The following SCN1B variants were observed in gnomAD, a reference collection of about 807,000 sequenced individuals.
SCN1B encodes the protein sodium voltage-gated channel beta subunit 1.
A neutral mutation model predicts 25.7 loss-of-function variants in SCN1B; 11 were observed. That is an observed-to-expected ratio of 0.43 (90% CI 0.27 to 0.71). The LOEUF (loss-of-function observed/expected upper bound fraction) is 0.71. SCN1B is among the 30% of genes least tolerant of loss of function. SCN1B has a pLI of 0.21. For synonymous variants in SCN1B, 119 were observed against 117.5 expected (o/e 1.01, Z -0.08); for missense variants, 224 against 291.5 (o/e 0.77, Z 1.69).
rs966753665 is a variant in SCN1B at position 35,036,159 on chromosome 19, C to T, written c.448+2420C>T. 3.9e-5 allele frequency: 6 copies of T among 152,036 alleles called. 1 individual carries two copies. The South Asian group carries it at 6.2e-4, about 16-fold the overall frequency. 9.4% of individuals were successfully genotyped at this position (152,036 alleles called of 1,614,324 possible). On this transcript the variant is annotated intron_variant, in intron 3 of 5. Coordinates refer to ENST00000262631, the MANE Select transcript of SCN1B (RefSeq NM_001037.5). ...CCGAGATTACAGGAGAGAGCCTCCGCGCCTGGCCTACAGTATTTTTATTAT... is the reference window on the plus strand; with the variant it reads ...CCGAGATTACAGGAGAGAGCCTCCGTGCCTGGCCTACAGTATTTTTATTAT...
At chr19:35,034,112 C>T (rs2064233825) in intron 3 of SCN1B, 1 of 1,551,458 alleles carries the variant, frequency 6.4e-7, no homozygotes, top group African/African-American at 1.4e-5. Context: ...ATTCTTCCAT[C>T]ATGGGGTTCA....
chr19:35,035,215 T>C (rs1224262148), intron 3 of SCN1B: 1 of 151,092 alleles, frequency 6.6e-6, no homozygotes, highest in African/African-American at 2.4e-5. Context: ...CATCTTGTTG[T>C]TTGGCAGTTG....
chr19:35,030,663 C>G lies in SCN1B; in HGVS notation c.-158C>G, dbSNP rs1359350354. The G allele has an allele frequency of 1.8e-5, 3 of 167,926 alleles. No individual in the cohort carries two copies. The highest frequency in any genetic ancestry group is 2.4e-5 in the African/African-American group (1 of 41,220). 10.4% of individuals were successfully genotyped at this position (167,926 alleles called of 1,614,324 possible). A position where few individuals can be genotyped will look rare whatever the true frequency, so the allele number is the denominator to read the frequency against. ...CCCGGCGGTAACCGGAGCGGGGGGG[C>G]CGCGCCCCCCCTCCTCCCCCCTCGC... On this transcript the variant is annotated 5_prime_UTR_variant, in exon 1 of 6. Transcript: ENST00000262631.
chr19:35,039,596 G>A (rs761537513), intron 4 of SCN1B, 39 bp from the exon 5 acceptor site: 2 of 1,610,358 alleles, frequency 1.2e-6, no homozygotes, highest in Non-Finnish European at 1.7e-6. Context: ...GGGTCGGTCT[G>A]ATGATGGGGT....
At position 35,033,983 on chromosome 19, in the gene SCN1B, A is replaced by T. The variant is rs1191213109; in HGVS notation, c.448+244A>T. ...CACAGACGCTCCGGGTACAGAACCC[A>T]GCTCTGTCACCTGTGCTGTATGACC... On this transcript the variant is annotated intron_variant, in intron 3 of 5. Coordinates refer to ENST00000262631, the MANE Select transcript of SCN1B (RefSeq NM_001037.5). 6.4e-7 allele frequency: 1 copy of T among 1,551,386 alleles called. No homozygotes were observed.
At position 35,030,871 on chromosome 19, in the gene SCN1B, G is replaced by C. The variant is rs1176432306; in HGVS notation, c.40+11G>C. 8 of 731,120 alleles carry C rather than the reference G, an allele frequency of 1.1e-5. No individual in the cohort carries two copies. The highest frequency in any genetic ancestry group is 1.9e-5 in the African/African-American group (1 of 52,618). 45.3% of individuals were successfully genotyped at this position (731,120 alleles called of 1,614,324 possible). A position where few individuals can be genotyped will look rare whatever the true frequency, so the allele number is the denominator to read the frequency against. On this transcript the variant is annotated intron_variant, in intron 1 of 5. Coordinates refer to ENST00000262631, the MANE Select transcript of SCN1B (RefSeq NM_001037.5). ...TCGGCGCGGCACTGGGTGAGTGCGC[G>C]GGGGGCGCGCGCGGCCGGGGGGCAC...
Position 35,039,938 on chromosome 19 carries a change from AG to A in SCN1B, c.*152del. On this transcript the variant is annotated 3_prime_UTR_variant, in exon 6 of 6. Transcript: ENST00000262631. ...CGGAGCCACTGGGGTGGGAGGGGGCAGGGGGCTTGGCTCGCACCCCCACTTT... is the reference window on the plus strand; with the variant it reads ...CGGAGCCACTGGGGTGGGAGGGGGCAGGGGCTTGGCTCGCACCCCCACTTT... 1 of 584,312 alleles carries A rather than the reference AG, an allele frequency of 1.7e-6. No individual in the cohort carries two copies. Among genetic ancestry groups the A allele is most frequent in the Non-Finnish European group, 3.0e-6 (1 of 329,456 alleles). The allele number at this position is 584,312 out of a possible 1,614,324, so 36.2% of individuals were successfully genotyped here. A position where few individuals can be genotyped will look rare whatever the true frequency, so the allele number is the denominator to read the frequency against.
At position 35,039,805 on chromosome 19, in the gene SCN1B, C is replaced by A; in HGVS notation, c.*14C>A. 2 of 1,261,152 alleles carry A rather than the reference C, an allele frequency of 1.6e-6. No individual in the cohort carries two copies. Among genetic ancestry groups the A allele is most frequent in the Non-Finnish European group, 2.3e-6 (2 of 887,376 alleles). The allele number at this position is 1,261,152 out of a possible 1,614,324, so 78.1% of individuals were successfully genotyped here. On this transcript the variant is annotated 3_prime_UTR_variant, in exon 6 of 6. Coordinates refer to ENST00000262631, the MANE Select transcript of SCN1B (RefSeq NM_001037.5). ...CTCTTGCTCCCCTTCAGGCCCTGGGCCCCGCCTCAAGGAAGAGCCAGCCGT... is the reference window on the plus strand; with the variant it reads ...CTCTTGCTCCCCTTCAGGCCCTGGGACCCGCCTCAAGGAAGAGCCAGCCGT...
intron 3 of SCN1B, chr19:35,034,050 G>C (rs1019053238): frequency 1.3e-6 from 2 of 1,550,612 alleles, no homozygotes; most frequent in African/African-American, 2.7e-5. Flanking sequence ...GGGTTGTCCT[G>C]GGCTTGCCCG....
chr19:35,035,024 G>C (rs557067437), intron 3 of SCN1B: 1 of 150,616 alleles, frequency 6.6e-6, no homozygotes, highest in South Asian at 2.1e-4. Context: ...CACGATGCTG[G>C]GGGGTGGGGG....
chr19:35,038,996 A>G, intron 3 of SCN1B, 121 bp from the exon 4 acceptor site: 1 of 1,154,054 alleles, frequency 8.7e-7, no homozygotes, highest in Non-Finnish European at 1.3e-6. Context: ...TAATAATCAC[A>G]GTGCATACAC....
chr19:35,036,209 A>G (rs2064246829), intron 3 of SCN1B: 1 of 151,872 alleles, frequency 6.6e-6, no homozygotes, highest in African/African-American at 2.4e-5. Context: ...GCGTATTTTT[A>G]ACGTTCCCCA....
At chr19:35,039,303 C>T (rs768487607) in intron 4 of SCN1B, 45 bp downstream of exon 4, 1 of 1,605,792 alleles carries the variant, frequency 6.2e-7, no homozygotes, top group South Asian at 1.1e-5. Flanking sequence ...AGGGCACCGT[C>T]ACACTTGCCA....
At chr19:35,038,992 T>A (rs1376596965) in intron 3 of SCN1B, 125 bp from the exon 4 acceptor site, 1 of 1,135,700 alleles carries the variant, frequency 8.8e-7, no homozygotes, top group East Asian at 2.4e-5. Flanking sequence ...GTATTAATAA[T>A]CACAGTGCAT....
rs554531251 is a variant in SCN1B at position 35,030,782 on chromosome 19, G to C, written c.-39G>C. On this transcript the variant is annotated 5_prime_UTR_variant, in exon 1 of 6. Transcript: ENST00000262631. ...CGCCTCTCGCCCCGCTATTAATACC[G>C]GCGGCCCGGGAGGGGGGCGCAGCAC... The C allele has an allele frequency of 5.5e-5, 49 of 885,972 alleles. No homozygotes were observed. Among genetic ancestry groups the C allele is most frequent in the Non-Finnish European group, 1.7e-5 (11 of 658,726 alleles). 54.9% of individuals were successfully genotyped at this position (885,972 alleles called of 1,614,324 possible).
At chr19:35,030,915 G>A (rs2064209250) in intron 1 of SCN1B, 55 bp downstream of exon 1, 1 of 303,590 alleles carries the variant, frequency 3.3e-6, no homozygotes, top group Non-Finnish European at 5.3e-6. Flanking sequence ...CACTGGCGGG[G>A]CGGCGGGAGT....
Position 35,039,922 on chromosome 19 carries a change from T to G in SCN1B, c.*131T>G. 1.7e-6 allele frequency: 1 copy of G among 593,668 alleles called. No individual in the cohort carries two copies. The highest frequency in any genetic ancestry group is 3.0e-6 in the Non-Finnish European group (1 of 334,584). 36.8% of individuals were successfully genotyped at this position (593,668 alleles called of 1,614,324 possible). ...CTCAGAGTCCTGCCGACGGAGCCAC[T>G]GGGGTGGGAGGGGGCAGGGGGCTTG... is the stretch of plus-strand genomic sequence containing the variant. On this transcript the variant is annotated 3_prime_UTR_variant, in exon 6 of 6. Transcript: ENST00000262631.
chr19:35,030,807 C>T lies in SCN1B; in HGVS notation c.-14C>T. On this transcript the variant is annotated 5_prime_UTR_variant, in exon 1 of 6. It adds an upstream start codon to the 5' untranslated region. Coordinates refer to ENST00000262631, the MANE Select transcript of SCN1B (RefSeq NM_001037.5). ...GGCGGCCCGGGAGGGGGGCGCAGCACGCGCCGCGCAGCCATGGGGAGGCTG... is the reference window on the plus strand; with the variant it reads ...GGCGGCCCGGGAGGGGGGCGCAGCATGCGCCGCGCAGCCATGGGGAGGCTG... 1 of 1,067,092 alleles carries T rather than the reference C, an allele frequency of 9.4e-7. No homozygotes were observed. Among genetic ancestry groups the T allele is most frequent in the Non-Finnish European group, 1.2e-6 (1 of 837,296 alleles). 66.1% of individuals were successfully genotyped at this position (1,067,092 alleles called of 1,614,324 possible).
At position 35,039,182 on chromosome 19, in the gene SCN1B, A is replaced by G; in HGVS notation, c.514A>G (p.Ile172Val). The stretch of plus-strand genomic sequence containing the variant: ...GTATGTGCTCATTGTGGTGTTGACC[A>G]TATGGCTCGTGGCAGAGATGATTTA... ...MMYVLIVVLT[I>V]WLVAEMIYCY... Residue 172 changes from isoleucine (I) to valine (V), a missense_variant, in exon 4 of 6, where the codon ATA (isoleucine) becomes GTA (valine). By Grantham distance (29) the Ile-to-Val change is conservative (BLOSUM62 3). Around this residue, in one of 3 missense-constraint regions of SCN1B, gnomAD observed 126 missense variants for 204.9 expected, o/e 0.61. Transcript: ENST00000262631. 3 of 1,614,232 alleles carry G rather than the reference A, an allele frequency of 1.9e-6. No individual in the cohort carries two copies. The highest frequency in any genetic ancestry group is 2.5e-6 in the Non-Finnish European group (3 of 1,180,032).
Sources: allele counts gnomAD v4.1 joint callset, GRCh38; gene constraint gnomAD v4.1.1; regional missense constraint gnomAD v4.1.1; transcripts MANE v1.5; gene names NCBI Gene and HGNC (gene_info 2026-07-23, HGNC 2026-07-21).